The following TNN variants were observed in gnomAD, a reference collection of about 807,000 sequenced individuals.
TNN encodes the protein tenascin N.
A neutral mutation model predicts 134.4 loss-of-function variants in TNN; 122 were observed. That is an observed-to-expected ratio of 0.91 (90% CI 0.78 to 1.06). The LOEUF is 1.06. Ranked by LOEUF, TNN falls within the 50% of genes least tolerant of loss-of-function variation. The probability of loss-of-function intolerance (pLI) is 0.00; values close to 1 mark genes in which losing one functional copy is unlikely to be tolerated. For synonymous variants in TNN, 710 were observed against 670.3 expected (o/e 1.06, Z -0.91); for missense variants, 1,739 against 1,699.4 (o/e 1.02, Z -0.41).
At chr1:175,097,960 GC>G (rs1355820622) in intron 8 of TNN, among the ~76,000 whole-genome samples, 3 of 152,278 alleles carry the variant, frequency 2.0e-5, no homozygotes, top group Admixed American at 2.0e-4. Flanking sequence ...TCATTGCAGT[GC>G]TTGTGATAAT....
At chr1:175,124,051 TTGA>T (rs966414391) in intron 12 of TNN, among the ~76,000 whole-genome samples, 25 of 152,174 alleles carry the variant, frequency 1.6e-4, no homozygotes, top group African/African-American at 6.0e-4. Context: ...CCATCCTCAG[TTGA>T]TGATGAAAGG....
intron 15 of TNN, among the ~76,000 whole-genome samples, chr1:175,130,943 G>C (rs1269676315): frequency 2.0e-5 from 3 of 151,854 alleles, no homozygotes; most frequent in African/African-American, 7.3e-5. Context: ...TGCATGAACT[G>C]AGGTTCTGCA....
chr1:175,135,720 C>T, intron 15 of TNN, 125 bp from the exon 16 acceptor site: 1 of 720,976 alleles, frequency 1.4e-6, no homozygotes, highest in Non-Finnish European at 2.5e-6. Context: ...TAAAAAGCCT[C>T]TCTAGAATGA....
At chr1:175,073,820 T>C (rs768240018) in intron 1 of TNN, among the ~76,000 whole-genome samples, 6 of 152,134 alleles carry the variant, frequency 3.9e-5, no homozygotes, top group Non-Finnish European at 8.8e-5. Context: ...GTGGGGAGCT[T>C]CTGTGGGATC....
chr1:175,077,563 G>A lies in TNN; in HGVS notation c.145G>A (p.Asp49Asn), dbSNP rs1339983462. The A allele has an allele frequency of 1.9e-6, 3 of 1,614,086 alleles. No homozygotes were observed. The highest frequency in any genetic ancestry group is 2.5e-6 in the Non-Finnish European group (3 of 1,180,048). The change falls in exon 2 of 19, where the codon GAT (aspartate) becomes AAT (asparagine). Residue 49 changes from aspartate to asparagine, a missense_variant. Physicochemically the swap from Asp to Asn is conservative, Grantham distance 23. Transcript: ENST00000239462. ...QVTVSHTYKI[D>N]VPKSALVQVD... ...CACTGTCAGCCACACCTACAAGATC[G>A]ATGTGCCCAAGTCTGCCTTGGTTCA... is the stretch of plus-strand genomic sequence containing the variant.
chr1:175,071,257 A>T (rs920513956), intron 1 of TNN, among the ~76,000 whole-genome samples: 2 of 152,174 alleles, frequency 1.3e-5, no homozygotes, highest in Admixed American at 1.3e-4. Flanking sequence ...TGGCGTAAGT[A>T]GTATTTTTTT....
chr1:175,077,291 C>T, intron 1 of TNN, 93 bp from the exon 2 acceptor site: 2 of 975,474 alleles, frequency 2.1e-6, no homozygotes, highest in Non-Finnish European at 3.1e-6. Context: ...GCTGGTTTCC[C>T]AGCTTCCTTG....
intron 15 of TNN, among the ~76,000 whole-genome samples, chr1:175,131,140 C>T (rs939860294): frequency 3.3e-5 from 5 of 152,300 alleles, no homozygotes; most frequent in Admixed American, 1.3e-4. Flanking sequence ...GTAATTCTTC[C>T]ATCCCAAGCA....
At chr1:175,139,866 T>G (rs1357267692) in intron 17 of TNN, among the ~76,000 whole-genome samples, 1 of 152,248 alleles carries the variant, frequency 6.6e-6, no homozygotes, top group East Asian at 1.9e-4. Flanking sequence ...TTTATTGTGA[T>G]CTTATGAGAC....
At position 175,073,609 on chromosome 1, in the gene TNN, C is replaced by T. The variant is rs187666354; in HGVS notation, c.-35-3775C>T. Among the ~76,000 whole-genome samples, 132 of 152,308 alleles carry T rather than the reference C, an allele frequency of 8.7e-4. 2 individuals carry two copies. The highest frequency in any genetic ancestry group is 3.0e-3 in the African/African-American group (125 of 41,556). On this transcript the variant is annotated intron_variant, in intron 1 of 18. Coordinates refer to ENST00000239462, the MANE Select transcript of TNN (RefSeq NM_022093.2). ...CTGCAGAGAAGCTGGAGGGAAGGGGCTTGGGGCTTTCCTCCCTCCACTTCT... is the reference window on the plus strand; with the variant it reads ...CTGCAGAGAAGCTGGAGGGAAGGGGTTTGGGGCTTTCCTCCCTCCACTTCT...
Position 175,080,248 on chromosome 1 carries a change from C to G in TNN, c.870C>G (p.His290Gln), listed in dbSNP as rs1263996499. 1.2e-6 allele frequency: 2 copies of G among 1,614,172 alleles called. No individual in the cohort carries two copies. The highest frequency in any genetic ancestry group is 2.2e-5 in the East Asian group (1 of 44,880). Residue 290 changes from histidine to glutamine, a missense_variant, in exon 4 of 19, where the codon CAC (histidine) becomes CAG (glutamine). Physicochemically the swap from His to Gln is conservative, Grantham distance 24. Transcript: ENST00000239462. ...VSWEPSSQVD[H>Q]YLLSYYPLGK... The stretch of plus-strand genomic sequence containing the variant: ...GGGAGCCCTCCAGCCAGGTGGATCA[C>G]TACCTCCTCAGCTACTACCCCCTGG...
chr1:175,128,583 C>A lies in TNN; in HGVS notation c.3179-12C>A. On this transcript the variant is annotated splice_polypyrimidine_tract_variant and intron_variant, in intron 14 of 18. Coordinates refer to ENST00000239462, the MANE Select transcript of TNN (RefSeq NM_022093.2). Reference sequence around the variant, plus strand: ...CCTTGTCCTAACAACACTCTCTCTGCTTGGCTCCCAGTTGGTGCCCGTTTC... The same window carrying A: ...CCTTGTCCTAACAACACTCTCTCTGATTGGCTCCCAGTTGGTGCCCGTTTC... The A allele has an allele frequency of 6.2e-7, 1 of 1,607,290 alleles. No homozygotes were observed. The highest frequency in any genetic ancestry group is 8.5e-7 in the Non-Finnish European group (1 of 1,176,540).
intron 9 of TNN, among the ~76,000 whole-genome samples, chr1:175,110,316 G>A (rs1300877688): frequency 1.3e-5 from 2 of 152,160 alleles, no homozygotes; most frequent in African/African-American, 4.8e-5. Context: ...CCATTATGTA[G>A]GTTGTCTCTG....
At chr1:175,071,315 A>ACAGAAACCATC (rs1673909866) in intron 1 of TNN, among the ~76,000 whole-genome samples, 1 of 152,040 alleles carries the variant, frequency 6.6e-6, no homozygotes, top group South Asian at 2.1e-4. Flanking sequence ...ATGAGGTGAC[A>ACAGAAACCATC]CAGAAACCAT....
intron 5 of TNN, 125 bp from the exon 6 acceptor site, chr1:175,085,280 T>A (rs1674296003): frequency 1.5e-6 from 1 of 655,924 alleles, no homozygotes; most frequent in African/African-American, 1.8e-5. Context: ...AAATACAGAT[T>A]CATCTTTGGA....
rs1271525856 is a variant in TNN, at chr1:175,144,567, T to G, written c.3759+17T>G. 8 of 1,612,436 alleles carry G rather than the reference T, an allele frequency of 5.0e-6. No individual in the cohort carries two copies. Among genetic ancestry groups the G allele is most frequent in the Non-Finnish European group, 5.9e-6 (7 of 1,179,174 alleles). On this transcript the variant is annotated intron_variant, in intron 18 of 18. Coordinates refer to ENST00000239462, the MANE Select transcript of TNN (RefSeq NM_022093.2). Reference sequence around the variant, plus strand: ...CACAGTGAGGTAGGTGACAGGTGAATGTCTTTTCTGTCCCAGGGTATGTCC... The same window carrying G: ...CACAGTGAGGTAGGTGACAGGTGAAGGTCTTTTCTGTCCCAGGGTATGTCC...
intron 18 of TNN, among the ~76,000 whole-genome samples, chr1:175,145,041 G>A (rs1422987613): frequency 2.0e-5 from 3 of 152,022 alleles, no homozygotes; most frequent in African/African-American, 7.2e-5. Context: ...ACAGAAAGGA[G>A]CTCTGATCTC....
rs1352910020 is a variant in TNN at position 175,127,019 on chromosome 1, G to C, written c.2979G>C (p.Trp993Cys). The C allele has an allele frequency of 1.9e-6, 3 of 1,614,014 alleles. No homozygotes were observed. The highest frequency in any genetic ancestry group is 2.5e-6 in the Non-Finnish European group (3 of 1,180,018). ...CGCAGTCTGGTGGCATATTGACCTG[G>C]ACGCCCCCCTCTGCTCAGATCCACG... ...AVTQSGGILT[W>C]TPPSAQIHGY... The change falls in exon 13 of 19, where the codon TGG (tryptophan) becomes TGC (cysteine). Residue 993 changes from tryptophan to cysteine, a missense_variant. Physicochemically the swap from Trp to Cys is radical, Grantham distance 215. Transcript: ENST00000239462.
chr1:175,145,196 CACAA>C (rs777423298), intron 18 of TNN, among the ~76,000 whole-genome samples: 1 of 152,028 alleles, frequency 6.6e-6, no homozygotes, highest in Non-Finnish European at 1.5e-5. Flanking sequence ...TTTGAAGAGA[CACAA>C]ACATTCAGTT....
Sources: gnomAD v4.1 joint callset for allele counts (sites outside exome capture counted in the v4.1 genomes callset) on GRCh38, gnomAD v4.1.1 for gene constraint, MANE v1.5 for transcripts, NCBI Gene and HGNC (gene_info 2026-07-23, HGNC 2026-07-21) for gene names.